The following STAU2 variants were observed in gnomAD, a reference collection of about 807,000 sequenced individuals.
The protein encoded by STAU2 is staufen double-stranded RNA binding protein 2.
Under a neutral mutation model 65.9 loss-of-function variants are expected in STAU2, and 20 were observed. That is an observed-to-expected ratio of 0.30 (90% CI 0.21 to 0.44). The LOEUF (loss-of-function observed/expected upper bound fraction) is 0.44. Ranked by LOEUF, STAU2 falls within the 20% of genes least tolerant of loss-of-function variation. The pLI, the probability that STAU2 is intolerant of heterozygous loss-of-function variation, is 1.00. For synonymous variants in STAU2, 232 were observed against 233.9 expected (o/e 0.99, Z 0.07); for missense variants, 558 against 683.9 (o/e 0.82, Z 2.05).
At chr8:73,637,410 G>A (rs185070892) in intron 6 of STAU2, among the ~76,000 whole-genome samples, 340 of 108,670 alleles carry the variant, frequency 3.1e-3, no homozygotes, top group African/African-American at 0.011. Flanking sequence ...GACTTCTCAA[G>A]AGAAAAAATC....
chr8:73,742,503 C>T (rs796319075), intron 1 of STAU2: 7 of 151,748 alleles, frequency 4.6e-5, no homozygotes, highest in African/African-American at 1.7e-4. Flanking sequence ...GCACTCTAGC[C>T]TGGGTGACAG....
intron 13 of STAU2, among the ~76,000 whole-genome samples, chr8:73,493,512 T>C (rs1225855125): frequency 6.6e-6 from 1 of 151,676 alleles, no homozygotes; most frequent in African/African-American, 2.4e-5. Context: ...AAATAACCAA[T>C]AAACACAGGA....
chr8:73,564,166 C>T (rs1808435755), intron 12 of STAU2, among the ~76,000 whole-genome samples: 1 of 152,182 alleles, frequency 6.6e-6, no homozygotes, highest in African/African-American at 2.4e-5. Flanking sequence ...TTTCAGAGGG[C>T]TTCCCAAGGG....
intron 6 of STAU2, among the ~76,000 whole-genome samples, chr8:73,625,986 T>C (rs1813605531): frequency 6.6e-6 from 1 of 152,094 alleles, no homozygotes; most frequent in Non-Finnish European, 1.5e-5. Flanking sequence ...CATATACTTA[T>C]TAAAGGCCTA....
At chr8:73,709,250 A>G (rs1820723863) in intron 3 of STAU2, 88 bp from the exon 4 acceptor site, 1 of 1,128,118 alleles carries the variant, frequency 8.9e-7, no homozygotes, top group Non-Finnish European at 1.2e-6. Flanking sequence ...GGTAGATTGT[A>G]TATTTAAATT....
chr8:73,464,600 G>GCACATACA (rs1554593347), intron 13 of STAU2, among the ~76,000 whole-genome samples: 10 of 101,910 alleles, frequency 9.8e-5, no homozygotes, highest in South Asian at 3.5e-4. Flanking sequence ...GTGTGCACGC[G>GCACATACA]CACACACACA....
rs1817448648 is a variant in STAU2 at position 73,668,951 on chromosome 8, GA to G, written c.410+4155del. ...TATTACTTTAAGTAGAAAATAAAAG[GA>G]CCTTTTCAAAAATCCCTCTAAATGA... On this transcript the variant is annotated intron_variant, in intron 6 of 14. Transcript: ENST00000524300. 4.5e-6 allele frequency: 3 copies of G among 672,200 alleles called. No individual in the cohort carries two copies. In the Admixed American group the frequency reaches 6.9e-5, roughly 15 times the overall value. 41.6% of individuals were successfully genotyped at this position (672,200 alleles called of 1,614,324 possible).
chr8:73,500,699 A>G (rs891691875), intron 13 of STAU2, among the ~76,000 whole-genome samples: 19 of 151,920 alleles, frequency 1.3e-4, no homozygotes, highest in Admixed American at 8.5e-4. Flanking sequence ...ATTGCACAGT[A>G]TATTTTAATC....
chr8:73,470,457 A>C (rs1296710367), intron 13 of STAU2, among the ~76,000 whole-genome samples: 4 of 152,192 alleles, frequency 2.6e-5, no homozygotes, highest in East Asian at 1.9e-4. Context: ...AGACTAATAA[A>C]GCAAAGTCGT....
chr8:73,526,683 T>C (rs1294880793), intron 13 of STAU2, among the ~76,000 whole-genome samples: 6 of 152,202 alleles, frequency 3.9e-5, no homozygotes, highest in African/African-American at 1.4e-4. Flanking sequence ...CTACTTACTC[T>C]GACTCCAAGC....
intron 6 of STAU2, among the ~76,000 whole-genome samples, chr8:73,649,910 G>A (rs1420714358): frequency 4.4e-5 from 2 of 45,726 alleles, no homozygotes; most frequent in Non-Finnish European, 9.0e-5. Context: ...TATATATATG[G>A]TGCAAAGATA....
chr8:73,628,678 T>C (rs976358281), intron 6 of STAU2, among the ~76,000 whole-genome samples: 1 of 152,196 alleles, frequency 6.6e-6, no homozygotes, highest in Non-Finnish European at 1.5e-5. Context: ...GCATATGTTT[T>C]TGAAAAGTTT....
chr8:73,575,225 C>T (rs1280080954), intron 12 of STAU2, among the ~76,000 whole-genome samples: 1 of 151,216 alleles, frequency 6.6e-6, no homozygotes. Flanking sequence ...ATAGAAATGG[C>T]TCATAGATCT....
At chr8:73,742,108 C>A (rs1009494099) in intron 1 of STAU2, 2 of 617,072 alleles carry the variant, frequency 3.2e-6, no homozygotes, top group Non-Finnish European at 4.1e-6. Flanking sequence ...CACAGTGGCA[C>A]GTCTTTAAGA....
chr8:73,746,741 G>T, intron 1 of STAU2, 42 bp downstream of exon 1: 1 of 1,163,586 alleles, frequency 8.6e-7, no homozygotes, highest in Non-Finnish European at 1.1e-6. Context: ...CCGGCGGCGC[G>T]GAAGTCGGGG....
At chr8:73,671,709 T>C (rs541879903) in intron 6 of STAU2, among the ~76,000 whole-genome samples, 199 of 152,272 alleles carry the variant, frequency 1.3e-3, no homozygotes, top group Non-Finnish European at 1.9e-3. Flanking sequence ...TGAAGCCATA[T>C]GAAGCATTAT....
chr8:73,495,596 C>T (rs894419790), intron 13 of STAU2, among the ~76,000 whole-genome samples: 1 of 147,334 alleles, frequency 6.8e-6, no homozygotes, highest in African/African-American at 2.5e-5. Context: ...GTCAATATGC[C>T]CACATTTAAC....
chr8:73,524,077 G>T (rs1419830150), intron 13 of STAU2, among the ~76,000 whole-genome samples: 23 of 152,246 alleles, frequency 1.5e-4, no homozygotes, highest in Admixed American at 1.4e-3. Context: ...GACTACAGTG[G>T]AGCAAAGGTA....
chr8:73,457,562 A>C (rs1819135088), intron 13 of STAU2, among the ~76,000 whole-genome samples: 1 of 152,250 alleles, frequency 6.6e-6, no homozygotes, highest in South Asian at 2.1e-4. Flanking sequence ...ATATGCCGCC[A>C]AAATAAAAAG....
Sources: allele counts gnomAD v4.1 joint callset (sites outside exome capture counted in the v4.1 genomes callset), GRCh38; gene constraint gnomAD v4.1.1; transcripts MANE v1.5; gene names NCBI Gene and HGNC (gene_info 2026-07-23, HGNC 2026-07-21).